TTC29: variants seen among roughly 807,000 people sequenced by gnomAD.
TTC29 encodes the protein tetratricopeptide repeat domain 29, also known as tetratricopeptide repeat protein 29.
In TTC29, 49 loss-of-function variants were observed where a neutral mutation model predicts 58.1. That is an observed-to-expected ratio of 0.84 (90% CI 0.67 to 1.07). The LOEUF is 1.07. Ranked by LOEUF, TTC29 falls within the 50% of genes least tolerant of loss-of-function variation. The pLI is 0.00. For synonymous variants in TTC29, 209 were observed against 196.8 expected, an observed-to-expected ratio of 1.06 and a Z score of -0.52; for missense variants, 582 against 555.6, an observed-to-expected ratio of 1.05 and a Z score of -0.48.
chr4:146,712,622 T>C (rs1299980172), intron 11 of TTC29, among the ~76,000 whole-genome samples: 1 of 152,166 alleles, frequency 6.6e-6, no homozygotes, highest in African/African-American at 2.4e-5. Context: ...ACCCACTTGA[T>C]ACTCACAATA....
At chr4:146,720,708 AG>A (rs1743292566) in intron 11 of TTC29, among the ~76,000 whole-genome samples, 2 of 152,138 alleles carry the variant, frequency 1.3e-5, no homozygotes, top group South Asian at 4.1e-4. Flanking sequence ...TAGCAAACCA[AG>A]TAGACACTCT....
chr4:146,803,841 A>T, intron 10 of TTC29, among the ~76,000 whole-genome samples, 156 bp from the exon 11 acceptor site: 1 of 152,330 alleles, frequency 6.6e-6, no homozygotes, highest in East Asian at 1.9e-4. Flanking sequence ...TATTAGGATA[A>T]GTTTCTTTTA....
intron 7 of TTC29, among the ~76,000 whole-genome samples, chr4:146,874,031 C>T (rs1243234068): frequency 7.2e-5 from 11 of 152,058 alleles, no homozygotes; most frequent in Non-Finnish European, 2.9e-5. Flanking sequence ...TAAGAATATG[C>T]TCCAAATTTT....
chr4:146,912,369 A>G (rs1261383681), intron 4 of TTC29, among the ~76,000 whole-genome samples: 1 of 152,170 alleles, frequency 6.6e-6, no homozygotes, highest in Admixed American at 6.6e-5. Context: ...TGCACAGAAC[A>G]TACTTATTCT....
chr4:146,724,776 A>T (rs1029201077), intron 11 of TTC29, among the ~76,000 whole-genome samples: 4 of 152,196 alleles, frequency 2.6e-5, no homozygotes, highest in African/African-American at 9.6e-5. Flanking sequence ...GGCCTCCCAA[A>T]GTGCTGGGAT....
At position 146,868,743 on chromosome 4, in the gene TTC29, G is replaced by A. The variant is rs191800870; in HGVS notation, c.800-1160C>T. Among the ~76,000 whole-genome samples, 196 of 152,182 alleles carry A rather than the reference G, an allele frequency of 1.3e-3. 1 individual carries two copies. Among genetic ancestry groups the A allele is most frequent in the African/African-American group, 4.3e-3 (179 of 41,526 alleles). On this transcript the variant is annotated intron_variant, in intron 7 of 12. Coordinates refer to ENST00000325106, the MANE Select transcript of TTC29 (RefSeq NM_031956.4). ...GCAAATGCTGAGTGATCTAACCTTA[G>A]TTTTTGGTCTTTGGAAAGCAAGTGA...
chr4:146,779,641 T>A (rs1748432789), intron 11 of TTC29, among the ~76,000 whole-genome samples: 1 of 152,190 alleles, frequency 6.6e-6, no homozygotes, highest in African/African-American at 2.4e-5. Context: ...TCTGAGGTTT[T>A]AGAGCAGGTT....
chr4:146,765,488 A>G (rs1185018186), intron 11 of TTC29, among the ~76,000 whole-genome samples: 1 of 152,186 alleles, frequency 6.6e-6, no homozygotes, highest in Non-Finnish European at 1.5e-5. Context: ...GGCACGAGCC[A>G]ACGCGCTCAG....
chr4:146,942,567 G>T, intron 2 of TTC29: 1 of 1,517,938 alleles, frequency 6.6e-7, no homozygotes, highest in South Asian at 1.2e-5. Flanking sequence ...CCCCAAACGG[G>T]CCTCCCAAGA....
chr4:146,870,696 G>C (rs1730874002), intron 7 of TTC29, among the ~76,000 whole-genome samples: 1 of 151,902 alleles, frequency 6.6e-6, no homozygotes, highest in African/African-American at 2.4e-5. Flanking sequence ...AGGATTATAA[G>C]AGAATTTTGT....
chr4:146,934,372 A>G (rs1735598281), intron 4 of TTC29: 1 of 152,214 alleles, frequency 6.6e-6, no homozygotes, highest in South Asian at 2.1e-4. Flanking sequence ...TTATTTGCTG[A>G]ATGGAGGAAA....
chr4:146,769,202 T>TG (rs1214433321), intron 11 of TTC29, among the ~76,000 whole-genome samples: 1 of 152,030 alleles, frequency 6.6e-6, no homozygotes, highest in African/African-American at 2.4e-5. Context: ...TCGGTGTTTG[T>TG]GGTTGAAATT....
chr4:146,765,614 A>G (rs1199635471), intron 11 of TTC29, among the ~76,000 whole-genome samples: 1 of 152,180 alleles, frequency 6.6e-6, no homozygotes, highest in Non-Finnish European at 1.5e-5. Flanking sequence ...TCTGCATACT[A>G]AGTACGTGAT....
chr4:146,937,528 T>G, intron 4 of TTC29, 66 bp downstream of exon 4: 1 of 1,078,184 alleles, frequency 9.3e-7, no homozygotes, highest in Admixed American at 3.1e-5. Flanking sequence ...AAATTGAAAT[T>G]TCAATAAAGA....
intron 11 of TTC29, among the ~76,000 whole-genome samples, chr4:146,753,943 T>C (rs964667466): frequency 5.9e-5 from 9 of 151,846 alleles, no homozygotes; most frequent in Admixed American, 2.6e-4. Flanking sequence ...TTAGGAGATA[T>C]ACCTAATGCT....
chr4:146,750,550 A>G (rs1455480819), intron 11 of TTC29, among the ~76,000 whole-genome samples: 1 of 152,210 alleles, frequency 6.6e-6, no homozygotes, highest in African/African-American at 2.4e-5. Flanking sequence ...GAAATGTACA[A>G]TATAAAATGA....
At chr4:146,897,352 T>C (rs764879934) in intron 6 of TTC29, among the ~76,000 whole-genome samples, 1 of 152,148 alleles carries the variant, frequency 6.6e-6, no homozygotes, top group Non-Finnish European at 1.5e-5. Flanking sequence ...GGCTCAGTGC[T>C]CAAGGCAATC....
intron 11 of TTC29, 62 bp from the exon 12 acceptor site, chr4:146,707,613 C>T: frequency 1.6e-6 from 2 of 1,262,230 alleles, no homozygotes; most frequent in East Asian, 2.3e-5. Context: ...TTATTTTGAT[C>T]TTGAACCTGG....
chr4:146,809,769 T>C (rs1017434496), intron 10 of TTC29, among the ~76,000 whole-genome samples: 1 of 149,916 alleles, frequency 6.7e-6, no homozygotes, highest in South Asian at 2.1e-4. Flanking sequence ...AAACAACAGA[T>C]GCCGGAGAGA....
Sources: allele counts gnomAD v4.1 joint callset (sites outside exome capture counted in the v4.1 genomes callset), GRCh38; gene constraint gnomAD v4.1.1; transcripts MANE v1.5; gene names NCBI Gene and HGNC (gene_info 2026-07-23, HGNC 2026-07-21).